RTKN: variants seen among roughly 807,000 people sequenced by gnomAD.
RTKN encodes rhotekin.
Under a neutral mutation model 63.5 loss-of-function variants are expected in RTKN, and 49 were observed. That is an observed-to-expected ratio of 0.77 (90% CI 0.61 to 0.98). RTKN has a LOEUF of 0.98. RTKN is among the 50% of genes least tolerant of loss of function. The pLI is 0.00. For missense variants in RTKN, 685 were observed against 740.8 expected (o/e 0.92, Z 0.87); for synonymous variants, 295 against 290.4 (o/e 1.02, Z -0.16).
chr2:74,440,315 C>T (rs1428291809), intron 1 of RTKN: 6 of 974,026 alleles, frequency 6.2e-6, no homozygotes, highest in Non-Finnish European at 7.3e-6. Flanking sequence ...CAACTCAGGG[C>T]CCCCATCCAG....
At chr2:74,433,741 C>G (rs1670898611) in intron 1 of RTKN, among the ~76,000 whole-genome samples, 1 of 152,204 alleles carries the variant, frequency 6.6e-6, no homozygotes, top group South Asian at 2.1e-4. Flanking sequence ...GATCCGCCCA[C>G]CTCGGCCTCC....
chr2:74,434,921 A>G (rs1210557689), intron 1 of RTKN, among the ~76,000 whole-genome samples: 1 of 152,160 alleles, frequency 6.6e-6, no homozygotes, highest in East Asian at 1.9e-4. Flanking sequence ...AACTCATGGG[A>G]ATGGACAGAA....
At chr2:74,429,405 A>G (rs1670609261) in intron 6 of RTKN, among the ~76,000 whole-genome samples, 1 of 152,148 alleles carries the variant, frequency 6.6e-6, no homozygotes, top group African/African-American at 2.4e-5. Flanking sequence ...TGCTCCAACC[A>G]AGAAGCTCTG....
Position 74,432,542 on chromosome 2 carries a change from T to G in RTKN, c.236A>C (p.Asn79Thr), listed in dbSNP as rs79122028. The G allele has an allele frequency of 6.2e-7, 1 of 1,613,838 alleles. No individual in the cohort carries two copies. The change falls in exon 2 of 12, where the codon AAC becomes ACC. Residue 79 changes from asparagine (N) to threonine (T), a missense_variant. Transcript: ENST00000272430. ...LEATKSLLVC[N>T]SRILSYMGEL... ...GCCCATGTAGCTGAGGATGCGGCTG[T>G]TGCACACTAGCAGGCTCTTGGTGGC...
At chr2:74,432,329 G>A (rs773763296) in intron 2 of RTKN, 138 bp downstream of exon 2, 5 of 870,560 alleles carry the variant, frequency 5.7e-6, no homozygotes, top group Non-Finnish European at 9.6e-6. Flanking sequence ...AAACACCAAG[G>A]TCTCTCCCAG....
chr2:74,427,568 G>C lies in RTKN; in HGVS notation c.1111C>G (p.Leu371Val). 6.2e-7 allele frequency: 1 copy of C among 1,613,216 alleles called. No homozygotes were observed. The highest frequency in any genetic ancestry group is 8.5e-7 in the Non-Finnish European group (1 of 1,179,956). ...AAGGGCCGTCCTAGAGCCTGGTCCA[G>C]CTCCCCTGCCCGGACTCGAGTCTCC... ...NKETRVRAGE[L>V]DQALGRPFTL... The change falls in exon 10 of 12, where the codon CTG becomes GTG. Residue 371 changes from leucine to valine, a missense_variant. Leu to Val is a conservative substitution (Grantham distance 32). Coordinates refer to ENST00000272430, the MANE Select transcript of RTKN (RefSeq NM_001015055.2).
intron 6 of RTKN, 64 bp from the exon 7 acceptor site, chr2:74,429,006 GGCTGA>G: frequency 7.6e-7 from 1 of 1,323,406 alleles, no homozygotes; most frequent in Non-Finnish European, 1.1e-6. Flanking sequence ...GAACTCTAAG[GGCTGA>G]GCAGATCTGC....
chr2:74,434,280 CT>C (rs902132687), intron 1 of RTKN, among the ~76,000 whole-genome samples: 339 of 128,044 alleles, frequency 2.6e-3, no homozygotes, highest in Middle Eastern at 4.1e-3. Context: ...GTTTTGTATT[CT>C]TTTTTTTTTT....
intron 2 of RTKN, among the ~76,000 whole-genome samples, chr2:74,431,325 C>A (rs1182881371): frequency 6.6e-6 from 1 of 152,140 alleles, no homozygotes; most frequent in Non-Finnish European, 1.5e-5. Flanking sequence ...CCCCCACACC[C>A]CACTGCAGGG....
At chr2:74,439,756 G>A in intron 1 of RTKN, 1 of 1,510,506 alleles carries the variant, frequency 6.6e-7, no homozygotes, top group Non-Finnish European at 8.9e-7. Context: ...TGGGCAGAGG[G>A]CAGAAGCTGC....
Position 74,428,728 on chromosome 2 carries a change from G to A in RTKN, c.860C>T (p.Pro287Leu). The change falls in exon 8 of 12, where the codon CCT becomes CTT. Residue 287 changes from proline to leucine, a missense_variant. Coordinates refer to ENST00000272430, the MANE Select transcript of RTKN (RefSeq NM_001015055.2). Reference sequence around the variant, plus strand: ...GCTACCATAAAGGGGCAGCCAGGCAGGGTTCTCCTCTGGGGGAGGAGGAAG... The same window carrying A: ...GCTACCATAAAGGGGCAGCCAGGCAAGGTTCTCCTCTGGGGGAGGAGGAAG... ...DLTLASHEEN[P>L]AWLPLYGSVC... 2 of 1,613,874 alleles carry A rather than the reference G, an allele frequency of 1.2e-6. No homozygotes were observed. The highest frequency in any genetic ancestry group is 1.7e-6 in the Non-Finnish European group (2 of 1,179,884).
In RTKN at chr2:74,441,754, C is replaced by G. The variant is rs1671378155; in HGVS notation, c.63G>C (p.Glu21Asp). 6.2e-7 allele frequency: 1 copy of G among 1,612,176 alleles called. No individual in the cohort carries two copies. The highest frequency in any genetic ancestry group is 8.5e-7 in the Non-Finnish European group (1 of 1,179,686). ...TVARGSALEM[E>D]FKRGRFRLSL... The stretch of plus-strand genomic sequence containing the variant: ...TGAGTCGGAAGCGGCCGCGTTTGAA[C>G]TCCATCTCCAGGGCGGAGCCCCTGG... Residue 21 changes from glutamate (E) to aspartate (D), a missense_variant, in exon 1 of 12, where the codon GAG (glutamate) becomes GAC (aspartate). Physicochemically the swap from Glu to Asp is conservative, Grantham distance 45 (BLOSUM62 2). Coordinates refer to ENST00000272430, the MANE Select transcript of RTKN (RefSeq NM_001015055.2).
At chr2:74,439,465 C>T (rs1204258186) in intron 1 of RTKN, 9 of 1,477,984 alleles carry the variant, frequency 6.1e-6, no homozygotes, top group Non-Finnish European at 8.5e-6. Context: ...GCTCTCCCCA[C>T]CATGCTGTAG....
At chr2:74,435,439 T>C (rs185360809) in intron 1 of RTKN, among the ~76,000 whole-genome samples, 1 of 152,326 alleles carries the variant, frequency 6.6e-6, no homozygotes, top group Non-Finnish European at 1.5e-5. Flanking sequence ...TATACTTTGG[T>C]GGTAGCAGCA....
intron 10 of RTKN, 21 bp downstream of exon 10, chr2:74,427,403 C>T: frequency 6.2e-7 from 1 of 1,613,666 alleles, no homozygotes; most frequent in Non-Finnish European, 8.5e-7. Flanking sequence ...AAAGGTTCAA[C>T]CCAGCCCCCT....
intron 2 of RTKN, 79 bp from the exon 3 acceptor site, chr2:74,430,756 C>A (rs1291262230): frequency 7.9e-6 from 11 of 1,388,502 alleles, no homozygotes; most frequent in Non-Finnish European, 9.8e-6. Flanking sequence ...CTCTAGGATC[C>A]CCCTGATCCC....
At chr2:74,440,038 C>T (rs1054799998) in intron 1 of RTKN, 15 of 1,019,080 alleles carry the variant, frequency 1.5e-5, no homozygotes, top group Non-Finnish European at 1.8e-5. Flanking sequence ...CCGCCCACAT[C>T]CCTGGCCTGG....
chr2:74,430,039 T>A lies in RTKN; in HGVS notation c.546-2A>T. ...TCAAAGTCTGGCCCCGCCTCAGCGC[T>A]GGTGGGAGGAAGAAAGGAGGGTGGT... On this transcript the variant is annotated splice_acceptor_variant, in intron 5 of 11. Coordinates refer to ENST00000272430, the MANE Select transcript of RTKN (RefSeq NM_001015055.2). LOFTEE classifies it high-confidence loss of function. 1.2e-6 allele frequency: 2 copies of A among 1,613,802 alleles called. No homozygotes were observed. The highest frequency in any genetic ancestry group is 8.5e-7 in the Non-Finnish European group (1 of 1,179,836).
chr2:74,441,674 G>A (rs1671372082), intron 1 of RTKN, 32 bp downstream of exon 1: 4 of 1,532,610 alleles, frequency 2.6e-6, no homozygotes, highest in African/African-American at 2.7e-5. Context: ...CGGGAGCCGC[G>A]GAAGGGGAAG....
Sources: gnomAD v4.1 joint callset for allele counts (sites outside exome capture counted in the v4.1 genomes callset) on GRCh38, gnomAD v4.1.1 for gene constraint, MANE v1.5 for transcripts, NCBI Gene and HGNC (gene_info 2026-07-23, HGNC 2026-07-21) for gene names.